FA2H: variants seen among roughly 807,000 people sequenced by gnomAD.
FA2H encodes fatty acid 2-hydroxylase.
In FA2H, 22 loss-of-function variants were observed where a neutral mutation model predicts 44.9. The observed-to-expected ratio is 0.49, with a 90% CI of 0.35 to 0.70. The LOEUF is 0.70. Among genes scored for constraint, FA2H ranks in the 30% least tolerant of loss-of-function variants. The pLI is 0.01. For missense variants in FA2H, 501 were observed against 504.9 expected, an observed-to-expected ratio of 0.99 and a Z score of 0.07; for synonymous variants, 243 against 213.2, an observed-to-expected ratio of 1.14 and a Z score of -1.22.
rs367895305 is a variant in FA2H, at chr16:74,769,601, A to T, written c.270+4885T>A. Among the ~76,000 whole-genome samples, 13 of 152,296 alleles carry T rather than the reference A, an allele frequency of 8.5e-5. No individual in the cohort carries two copies. In the South Asian group the frequency reaches 2.1e-3, roughly 24 times the overall value. Reference sequence around the variant, plus strand: ...ATAGTACACCAAACTGGGGGGAAAAAAACCTGGGGTGGTGATTCATGGATG... The same window carrying T: ...ATAGTACACCAAACTGGGGGGAAAATAACCTGGGGTGGTGATTCATGGATG... On this transcript the variant is annotated intron_variant, in intron 1 of 6. Transcript: ENST00000219368.
Position 74,714,264 on chromosome 16 carries a change from C to A in FA2H, c.1045G>T (p.Gly349Cys), listed in dbSNP as rs1183768911. 1 of 1,556,144 alleles carries A rather than the reference C, an allele frequency of 6.4e-7. No homozygotes were observed. Among genetic ancestry groups the A allele is most frequent in the Non-Finnish European group, 8.7e-7 (1 of 1,148,318 alleles). Reference sequence around the variant, plus strand: ...TAATCCCACAATTTAGTGCTGATACCAAATCCTAGAGAGGGAGACAAACGG... The same window carrying A: ...TAATCCCACAATTTAGTGCTGATACAAAATCCTAGAGAGGGAGACAAACGG... ...HHFAHQKSGFGISTKLWDYCF... is the reference protein window; with the variant it reads ...HHFAHQKSGFCISTKLWDYCF... The change falls in exon 7 of 7, where the codon GGT becomes TGT. Residue 349 changes from glycine to cysteine, a missense_variant. Transcript: ENST00000219368.
intron 1 of FA2H, among the ~76,000 whole-genome samples, chr16:74,751,972 C>T (rs1429062474): frequency 6.6e-6 from 1 of 152,192 alleles, no homozygotes; most frequent in South Asian, 2.1e-4. Flanking sequence ...AACATGGACA[C>T]CCACCCCAGT....
intron 1 of FA2H, among the ~76,000 whole-genome samples, chr16:74,745,475 C>T (rs1258743944): frequency 6.6e-6 from 1 of 152,248 alleles, no homozygotes; most frequent in African/African-American, 2.4e-5. Flanking sequence ...AAAGAGCCTT[C>T]CATAGCCCAC....
chr16:74,767,633 G>C (rs367748493), intron 1 of FA2H, among the ~76,000 whole-genome samples: 13 of 152,302 alleles, frequency 8.5e-5, no homozygotes, highest in African/African-American at 3.1e-4. Flanking sequence ...GAGATTGCTG[G>C]CTGGGCCAAG....
intron 1 of FA2H, among the ~76,000 whole-genome samples, chr16:74,743,334 T>C (rs1315993526): frequency 1.3e-5 from 2 of 152,212 alleles, no homozygotes; most frequent in African/African-American, 4.8e-5. Flanking sequence ...CTTCAAAAAT[T>C]ACAAAAATCC....
chr16:74,736,473 C>T (rs953969951), intron 2 of FA2H, among the ~76,000 whole-genome samples: 13 of 152,196 alleles, frequency 8.5e-5, no homozygotes, highest in African/African-American at 2.9e-4. Flanking sequence ...CCTGAGTTCT[C>T]AGTGACTGAT....
At chr16:74,772,066 T>C (rs1192312178) in intron 1 of FA2H, among the ~76,000 whole-genome samples, 2 of 152,048 alleles carry the variant, frequency 1.3e-5, no homozygotes, top group Non-Finnish European at 2.9e-5. Flanking sequence ...CTTCCCATTT[T>C]TGTTAGAGTC....
intron 2 of FA2H, among the ~76,000 whole-genome samples, chr16:74,728,295 G>C (rs1405784127): frequency 6.6e-6 from 1 of 152,216 alleles, no homozygotes; most frequent in Non-Finnish European, 1.5e-5. Flanking sequence ...CCTGCATTAA[G>C]TGCTCAATGA....
intron 4 of FA2H, among the ~76,000 whole-genome samples, chr16:74,722,294 G>A (rs1434977302): frequency 6.6e-6 from 1 of 152,178 alleles, no homozygotes; most frequent in Non-Finnish European, 1.5e-5. Flanking sequence ...CCAGCACTTT[G>A]AGAGGCTGAG....
intron 2 of FA2H, among the ~76,000 whole-genome samples, chr16:74,735,166 C>T (rs1962156350): frequency 1.3e-5 from 2 of 152,256 alleles, no homozygotes; most frequent in South Asian, 4.1e-4. Context: ...GTGCCCCACT[C>T]ACAGCCCAGG....
rs559038935 is a variant in FA2H, at chr16:74,726,664, G to A, written c.507-333C>T. Among the ~76,000 whole-genome samples, 6 of 152,354 alleles carry A rather than the reference G, an allele frequency of 3.9e-5. No individual in the cohort carries two copies. The East Asian group carries it at 1.2e-3, about 29-fold the overall frequency. On this transcript the variant is annotated intron_variant, in intron 3 of 6. Coordinates refer to ENST00000219368, the MANE Select transcript of FA2H (RefSeq NM_024306.5). Reference sequence around the variant, plus strand: ...GGCCTCCCAAAGTGTTGGGATTACAGGCGTGAGCCACCATGCCCGGCAGGG... The same window carrying A: ...GGCCTCCCAAAGTGTTGGGATTACAAGCGTGAGCCACCATGCCCGGCAGGG...
intron 2 of FA2H, among the ~76,000 whole-genome samples, chr16:74,737,126 C>G (rs564935032): frequency 6.6e-6 from 1 of 152,200 alleles, no homozygotes; most frequent in Non-Finnish European, 1.5e-5. Context: ...GTTCTTGCCC[C>G]CTCCCCAAAG....
Position 74,727,273 on chromosome 16 carries a change from G to C in FA2H, c.477C>G (p.Asp159Glu), listed in dbSNP as rs1274343793. The part of the protein sequence containing the change: ...VTRPIRLFHS[D>E]LIEGLSKTVW... ...CAGTCTTAGAGAGGCCCTCAATGAG[G>C]TCTGAGTGGAAGAGGCGGATGGGCC... Residue 159 changes from aspartate (D) to glutamate (E), a missense_variant, in exon 3 of 7, where the codon GAC becomes GAG. By Grantham distance (45) the Asp-to-Glu change is conservative. Transcript: ENST00000219368. 6.2e-7 allele frequency: 1 copy of C among 1,614,150 alleles called. No individual in the cohort carries two copies.
At chr16:74,729,003 GA>G (rs1567638182) in intron 2 of FA2H, among the ~76,000 whole-genome samples, 2 of 62,124 alleles carry the variant, frequency 3.2e-5, no homozygotes, top group African/African-American at 1.2e-4. Context: ...GGATGGTCTT[GA>G]TTTTTTTTTT....
At chr16:74,730,626 T>C (rs1269033104) in intron 2 of FA2H, among the ~76,000 whole-genome samples, 1 of 152,156 alleles carries the variant, frequency 6.6e-6, no homozygotes, top group African/African-American at 2.4e-5. Context: ...GCTGGTGGCC[T>C]GTGTTTACAC....
At chr16:74,721,442 A>G (rs1443162156) in intron 4 of FA2H, among the ~76,000 whole-genome samples, 2 of 152,188 alleles carry the variant, frequency 1.3e-5, no homozygotes, top group African/African-American at 4.8e-5. Context: ...GGCTGGGATT[A>G]CAGGAGTGAG....
chr16:74,762,844 A>T lies in FA2H; in HGVS notation c.270+11642T>A, dbSNP rs151129022. ...CACCCGGCCTAGAGTAGAAAAACTT[A>T]AAAAAGTGGCCTTTTATTAGGATTC... On this transcript the variant is annotated intron_variant, in intron 1 of 6. Coordinates refer to ENST00000219368, the MANE Select transcript of FA2H (RefSeq NM_024306.5). Among the ~76,000 whole-genome samples, 377 of 152,322 alleles carry T rather than the reference A, an allele frequency of 2.5e-3. 1 individual carries two copies. Among genetic ancestry groups the T allele is most frequent in the East Asian group, 8.5e-3 (44 of 5,174 alleles).
intron 2 of FA2H, among the ~76,000 whole-genome samples, chr16:74,732,505 C>T (rs538703036): frequency 6.6e-5 from 10 of 150,656 alleles, no homozygotes; most frequent in African/African-American, 2.4e-4. Context: ...GGTGTGATCT[C>T]GGCTCACTGC....
At chr16:74,738,089 C>G (rs538068085) in intron 2 of FA2H, among the ~76,000 whole-genome samples, 17 of 152,350 alleles carry the variant, frequency 1.1e-4, no homozygotes, top group African/African-American at 3.8e-4. Context: ...GAAGGGGTTC[C>G]CATGCACACC....
Sources: allele counts gnomAD v4.1 joint callset (sites outside exome capture counted in the v4.1 genomes callset), GRCh38; gene constraint gnomAD v4.1.1; transcripts MANE v1.5; gene names NCBI Gene and HGNC (gene_info 2026-07-23, HGNC 2026-07-21).